DNAH3: variants seen among roughly 807,000 people sequenced by gnomAD.
DNAH3 encodes dynein axonemal heavy chain 3, also known as axonemal beta dynein heavy chain 3.
Under a neutral mutation model 432.5 loss-of-function variants are expected in DNAH3, and 332 were observed. That is an observed-to-expected ratio of 0.77 (90% confidence interval 0.70 to 0.84). The LOEUF is 0.84. Ranked by LOEUF, DNAH3 falls within the 40% of genes least tolerant of loss-of-function variation. The pLI is 0.00. For missense variants in DNAH3, 4,861 were observed against 5,114.0 expected (o/e 0.95, Z 1.51); for synonymous variants, 1,956 against 1,900.2 (o/e 1.03, Z -0.76).
intron 18 of DNAH3, among the ~76,000 whole-genome samples, chr16:21,096,842 A>G (rs2091696950): frequency 1.3e-5 from 2 of 152,172 alleles, no homozygotes; most frequent in South Asian, 4.1e-4. Flanking sequence ...CCCAAAGGTC[A>G]GCTAGTAAGT....
At chr16:21,049,384 A>T (rs1047640281) in intron 31 of DNAH3, among the ~76,000 whole-genome samples, 185 bp downstream of exon 31, 1 of 152,190 alleles carries the variant, frequency 6.6e-6, no homozygotes, top group Non-Finnish European at 1.5e-5. Context: ...AGATGGGGCT[A>T]TGTGTATAAA....
intron 11 of DNAH3, among the ~76,000 whole-genome samples, chr16:21,119,982 G>A (rs1214879324): frequency 6.6e-6 from 1 of 152,144 alleles, no homozygotes; most frequent in East Asian, 1.9e-4. Flanking sequence ...GAGCCACTGT[G>A]CCTAGCCCCT....
chr16:21,067,774 A>AGGGAGAGG (rs2090615696), intron 23 of DNAH3, among the ~76,000 whole-genome samples: 1 of 39,946 alleles, frequency 2.5e-5, no homozygotes, highest in Non-Finnish European at 4.6e-5. Flanking sequence ...GGGGGTGGGG[A>AGGGAGAGG]GGGAGAGAGA....
At chr16:20,959,682 T>G (rs2084735060) in intron 53 of DNAH3, among the ~76,000 whole-genome samples, 1 of 149,542 alleles carries the variant, frequency 6.7e-6, no homozygotes, top group South Asian at 2.1e-4. Flanking sequence ...GGGGTTCACA[T>G]TAAATTTTGG....
At chr16:21,044,576 G>A (rs1597226853) in intron 31 of DNAH3, among the ~76,000 whole-genome samples, 1 of 72,742 alleles carries the variant, frequency 1.4e-5, no homozygotes, top group Non-Finnish European at 2.7e-5. Context: ...ATTTTGGGCT[G>A]AGACAATGGG....
intron 42 of DNAH3, among the ~76,000 whole-genome samples, chr16:21,001,266 T>G (rs564158020): frequency 2.0e-5 from 3 of 152,350 alleles, no homozygotes; most frequent in East Asian, 1.9e-4. Flanking sequence ...GACCTTGGCT[T>G]GGATTCTCTG....
chr16:21,086,699 G>T, intron 19 of DNAH3, 150 bp downstream of exon 19: 2 of 710,900 alleles, frequency 2.8e-6, no homozygotes, highest in Non-Finnish European at 4.8e-6. Flanking sequence ...CAGAAGTCTT[G>T]CCACTCTCAT....
chr16:21,060,304 A>G (rs772660872), exon 26 of DNAH3: 1 of 1,614,076 alleles, frequency 6.2e-7, no homozygotes, highest in South Asian at 1.1e-5. Context: ...GACTTCTCGC[A>G]TACTGGCCAG....
At chr16:21,019,715 C>A (rs1352667459) in exon 41 of DNAH3, 1 of 1,614,146 alleles carries the variant, frequency 6.2e-7, no homozygotes. Flanking sequence ...TGCGGAAAAA[C>A]ACATCAAATT....
chr16:21,134,335 C>T (rs759618940), exon 7 of DNAH3: 20 of 1,614,012 alleles, frequency 1.2e-5, no homozygotes, highest in African/African-American at 5.3e-5. Context: ...CACTTCTTGG[C>T]GCTCCTGTAG....
chr16:20,992,973 C>A (rs2086620614), intron 44 of DNAH3, among the ~76,000 whole-genome samples: 1 of 152,144 alleles, frequency 6.6e-6, no homozygotes, highest in African/African-American at 2.4e-5. Context: ...TCAAGCAATT[C>A]TCATGTTTCA....
In DNAH3 at chr16:20,944,713, C is replaced by G. The variant is rs372309999; in HGVS notation, c.11344-50G>C. The G allele has an allele frequency of 1.9e-6, 3 of 1,590,244 alleles. No homozygotes were observed. In the East Asian group the frequency reaches 6.7e-5, roughly 36 times the overall value. On this transcript the variant is annotated intron_variant, in intron 57 of 61. Coordinates refer to ENST00000261383, the Ensembl canonical transcript of DNAH3. ...ATCAACGAGGGACCCCAGAATCCCA[C>G]AGATGACTCCAGGCTTAGCAGAACC...
At chr16:21,019,902 G>T (rs755305162) in intron 40 of DNAH3, 33 bp from the exon 41 acceptor site, 7 of 1,607,684 alleles carry the variant, frequency 4.4e-6, no homozygotes, top group Non-Finnish European at 5.9e-6. Context: ...TCAGGACAGA[G>T]TGCAGAATGC....
chr16:20,991,167 C>T (rs948056733), intron 44 of DNAH3, among the ~76,000 whole-genome samples: 9 of 152,236 alleles, frequency 5.9e-5, no homozygotes, highest in African/African-American at 2.2e-4. Context: ...ATAGTAATTG[C>T]TGTCTTGCAT....
At chr16:21,087,411 C>T (rs113969103) in intron 18 of DNAH3, among the ~76,000 whole-genome samples, 2,967 of 152,216 alleles carry the variant, frequency 0.019, 102 homozygotes, top group African/African-American at 0.067. Flanking sequence ...TGACCAGTTG[C>T]AATGGCTTAC....
exon 44 of DNAH3, chr16:20,997,347 G>A (rs2086806081): frequency 6.2e-7 from 1 of 1,614,050 alleles, no homozygotes; most frequent in Admixed American, 1.7e-5. Context: ...TGTCCACGAT[G>A]TCCAGCCTGG....
chr16:20,946,414 G>A (rs999320445), intron 57 of DNAH3, among the ~76,000 whole-genome samples: 6 of 152,074 alleles, frequency 3.9e-5, no homozygotes, highest in Admixed American at 3.3e-4. Context: ...GATGCCTCGC[G>A]TCTCCCTAAA....
In DNAH3 at chr16:20,970,001, C is replaced by T. The variant is rs200078528; in HGVS notation, c.8260-11G>A. ...CCCCTCACATTCGTTCTGTGGGCGG[C>T]ATGAGGACAAAGGAGATGAGTGCCC... is the stretch of plus-strand genomic sequence containing the variant. On this transcript the variant is annotated splice_polypyrimidine_tract_variant and intron_variant, in intron 51 of 61. Transcript: ENST00000261383. 1.6e-4 allele frequency: 255 copies of T among 1,613,388 alleles called. No homozygotes were observed. The highest frequency in any genetic ancestry group is 1.8e-4 in the Non-Finnish European group (215 of 1,179,946).
intron 31 of DNAH3, among the ~76,000 whole-genome samples, chr16:21,047,368 C>A (rs1272319322): frequency 6.7e-6 from 1 of 149,370 alleles, no homozygotes; most frequent in Non-Finnish European, 1.5e-5. Context: ...GGAGGCTTTG[C>A]TCATTTCTTT....
Sources: gnomAD v4.1 joint callset for allele counts (sites outside exome capture counted in the v4.1 genomes callset) on GRCh38, gnomAD v4.1.1 for gene constraint, MANE v1.5 for transcripts, NCBI Gene and HGNC (gene_info 2026-07-23, HGNC 2026-07-21) for gene names.